PAN3: variants seen among roughly 807,000 people sequenced by gnomAD.
The protein encoded by PAN3 is PAN2-PAN3 deadenylation complex subunit PAN3.
In PAN3, 19 loss-of-function variants were observed where a neutral mutation model predicts 96.2. That is an observed-to-expected ratio of 0.20 (90% CI 0.14 to 0.29). The LOEUF (loss-of-function observed/expected upper bound fraction) is 0.29, where lower values mean the gene tolerates loss of function less well. Among genes scored for constraint, PAN3 ranks in the 10% least tolerant of loss-of-function variants. PAN3 has a pLI of 1.00. For synonymous variants in PAN3, 433 were observed against 406.6 expected (o/e 1.06, Z -0.78); for missense variants, 882 against 1,108.1 (o/e 0.80, Z 2.90).
chr13:28,156,423 C>T (rs537217121), intron 1 of PAN3, among the ~76,000 whole-genome samples: 1 of 152,230 alleles, frequency 6.6e-6, no homozygotes, highest in Non-Finnish European at 1.5e-5. Flanking sequence ...AAAAAACCTA[C>T]CAACCAGAAA....
chr13:28,206,131 G>A (rs1879320794), intron 5 of PAN3, among the ~76,000 whole-genome samples: 1 of 151,970 alleles, frequency 6.6e-6, no homozygotes, highest in African/African-American at 2.4e-5. Flanking sequence ...AACAAAGCAT[G>A]CTACATGAGG....
intron 14 of PAN3, among the ~76,000 whole-genome samples, chr13:28,275,307 T>G (rs1369474048): frequency 6.6e-6 from 1 of 152,192 alleles, no homozygotes; most frequent in Non-Finnish European, 1.5e-5. Context: ...GTACTAAAAA[T>G]CAGATGTTAT....
intron 6 of PAN3, among the ~76,000 whole-genome samples, chr13:28,255,850 T>C (rs1885096222): frequency 6.6e-6 from 1 of 152,036 alleles, no homozygotes; most frequent in Non-Finnish European, 1.5e-5. Flanking sequence ...TGTAATATAT[T>C]TGGGGAATGT....
chr13:28,169,591 A>T (rs901782793), intron 1 of PAN3, among the ~76,000 whole-genome samples: 1 of 151,722 alleles, frequency 6.6e-6, no homozygotes. Flanking sequence ...CTTGGTAATT[A>T]AAAAAAATTA....
intron 6 of PAN3, among the ~76,000 whole-genome samples, chr13:28,249,250 A>G (rs1041519075): frequency 3.3e-5 from 5 of 152,062 alleles, no homozygotes; most frequent in Admixed American, 6.6e-5. Context: ...GTTTATACCT[A>G]TGTTTTCTTT....
intron 1 of PAN3, among the ~76,000 whole-genome samples, chr13:28,140,099 C>T (rs1869495775): frequency 6.6e-6 from 1 of 152,112 alleles, no homozygotes; most frequent in South Asian, 2.1e-4. Context: ...AGGCGCGCGC[C>T]ACCACGGCCA....
intron 12 of PAN3, among the ~76,000 whole-genome samples, chr13:28,268,552 G>A (rs1886367674): frequency 6.6e-6 from 1 of 152,076 alleles, no homozygotes; most frequent in Admixed American, 6.6e-5. Flanking sequence ...GTGTGTTAAA[G>A]GGTAAATGAT....
At position 28,139,512 on chromosome 13, in the gene PAN3, GTT is replaced by G. The variant is rs1491550448; in HGVS notation, c.430+427_430+428del. Among the ~76,000 whole-genome samples the G allele has an allele frequency of 4.9e-3, 642 of 131,970 alleles. 6 individuals carry two copies. The highest frequency in any genetic ancestry group is 0.018 in the African/African-American group (613 of 33,796). 86.6% of individuals were successfully genotyped at this position (131,970 alleles called of 152,430 possible). A position where few individuals can be genotyped will look rare whatever the true frequency, so the allele number is the denominator to read the frequency against. ...GAGGTTCCCTAGTGGGGAGGGGTGTGTTTGTGTGTGTGTGTGTGTGTGTGTGT... is the reference window on the plus strand; with the variant it reads ...GAGGTTCCCTAGTGGGGAGGGGTGTGTGTGTGTGTGTGTGTGTGTGTGTGT... On this transcript the variant is annotated intron_variant, in intron 1 of 18. Coordinates refer to ENST00000380958, the MANE Select transcript of PAN3 (RefSeq NM_175854.8).
intron 6 of PAN3, among the ~76,000 whole-genome samples, chr13:28,249,163 A>T (rs920158341): frequency 6.6e-6 from 1 of 151,946 alleles, no homozygotes; most frequent in Non-Finnish European, 1.5e-5. Context: ...TTTGTTTGTT[A>T]TTTATTTCTT....
At chr13:28,287,635 C>A (rs1303044689) in intron 17 of PAN3, among the ~76,000 whole-genome samples, 2 of 152,164 alleles carry the variant, frequency 1.3e-5, no homozygotes, top group African/African-American at 2.4e-5. Context: ...AGAAGATGTA[C>A]CTGACCTTTC....
intron 1 of PAN3, among the ~76,000 whole-genome samples, chr13:28,154,851 C>G (rs1424076074): frequency 7.0e-6 from 1 of 143,388 alleles, no homozygotes; most frequent in East Asian, 2.1e-4. Context: ...GACGGAGTCT[C>G]GCTCTGTCAT....
intron 12 of PAN3, among the ~76,000 whole-genome samples, chr13:28,270,136 T>C (rs1886492494): frequency 6.6e-6 from 1 of 152,230 alleles, no homozygotes; most frequent in Non-Finnish European, 1.5e-5. Context: ...TCTCCTTTTC[T>C]ACTGATTTAC....
chr13:28,153,245 T>TTTA (rs1593367049), intron 1 of PAN3, among the ~76,000 whole-genome samples: 1 of 146,660 alleles, frequency 6.8e-6, no homozygotes, highest in African/African-American at 2.5e-5. Flanking sequence ...TTTTTTTTTT[T>TTTA]TTTTTTTTTG....
chr13:28,219,572 A>C (rs1002984008), intron 5 of PAN3, among the ~76,000 whole-genome samples: 1 of 152,220 alleles, frequency 6.6e-6, no homozygotes, highest in Admixed American at 6.5e-5. Flanking sequence ...TGCCACTTGA[A>C]TATATAAAGA....
chr13:28,139,514 T>TTGTGTGTGTGTGTGTGTGTGTG (rs10577740), intron 1 of PAN3, among the ~76,000 whole-genome samples: 13 of 93,132 alleles, frequency 1.4e-4, no homozygotes, highest in African/African-American at 6.8e-4. Flanking sequence ...AGGGGTGTGT[T>TTGTGTGTGTGTGTGTGTGTGTG]TGTGTGTGTG....
chr13:28,162,927 G>A (rs529015910), intron 1 of PAN3, among the ~76,000 whole-genome samples: 8 of 151,740 alleles, frequency 5.3e-5, no homozygotes, highest in Non-Finnish European at 1.0e-4. Context: ...AAAAGTGAAA[G>A]GTGTGCATAA....
intron 17 of PAN3, among the ~76,000 whole-genome samples, chr13:28,285,032 A>C (rs1046619532): frequency 6.6e-6 from 1 of 152,132 alleles, no homozygotes; most frequent in Non-Finnish European, 1.5e-5. Context: ...AGTAGTATTT[A>C]AGTTGTTCTT....
chr13:28,177,757 T>A, intron 3 of PAN3, 108 bp from the exon 4 acceptor site: 1 of 877,974 alleles, frequency 1.1e-6, no homozygotes, highest in Non-Finnish European at 1.8e-6. Flanking sequence ...GTACTAAGTT[T>A]AATTATTGTG....
intron 4 of PAN3, among the ~76,000 whole-genome samples, chr13:28,189,424 G>T (rs1056801146): frequency 6.6e-6 from 1 of 152,056 alleles, no homozygotes; most frequent in African/African-American, 2.4e-5. Context: ...GCTGAGCCAG[G>T]AGAATGGCTT....
Sources: gnomAD v4.1 joint callset for allele counts (sites outside exome capture counted in the v4.1 genomes callset) on GRCh38, gnomAD v4.1.1 for gene constraint, MANE v1.5 for transcripts, NCBI Gene and HGNC (gene_info 2026-07-23, HGNC 2026-07-21) for gene names.